REM2: variants seen among roughly 807,000 people sequenced by gnomAD.
The protein encoded by REM2 is RRAD and GEM like GTPase 2, also known as GTP-binding protein REM 2.
Under a neutral mutation model 24.4 loss-of-function variants are expected in REM2, and 24 were observed. That is an observed-to-expected ratio of 0.98 (90% CI 0.71 to 1.38). The LOEUF is 1.38. REM2 is among the 40% of genes most tolerant of loss of function. REM2 has a pLI of 0.00. For synonymous variants in REM2, 187 were observed against 198.0 expected (o/e 0.94, Z 0.47); for missense variants, 429 against 467.8 (o/e 0.92, Z 0.77).
At position 22,883,250 on chromosome 14, in the gene REM2, T is replaced by A; in HGVS notation, c.-38T>A. 2 of 1,136,704 alleles carry A rather than the reference T, an allele frequency of 1.8e-6. No homozygotes were observed. Among genetic ancestry groups the A allele is most frequent in the Non-Finnish European group, 2.6e-6 (2 of 770,310 alleles). 70.4% of individuals were successfully genotyped at this position (1,136,704 alleles called of 1,614,324 possible). ...TGAGGGAGAGGGTGCTGCGAGCTGC[T>A]GGGCTGCACACGCACACGCACACGC... On this transcript the variant is annotated 5_prime_UTR_variant, in exon 1 of 5. Transcript: ENST00000267396.
In REM2 at chr14:22,886,402, C is replaced by G. The variant is rs559530833; in HGVS notation, c.727+171C>G. On this transcript the variant is annotated intron_variant, in intron 4 of 4. Coordinates refer to ENST00000267396, the MANE Select transcript of REM2 (RefSeq NM_173527.3). This position sits in a 1 kb window ranked among gnomAD's most constrained non-coding sequence, Gnocchi z 5.9. The stretch of plus-strand genomic sequence containing the variant: ...CACTCGAGGATCCTGAGAATCCCTT[C>G]TTGTCACTTCCCCTCACCTCTCTCC... 1 of 747,330 alleles carries G rather than the reference C, an allele frequency of 1.3e-6. No individual in the cohort carries two copies. Among genetic ancestry groups the G allele is most frequent in the South Asian group, 1.7e-5 (1 of 57,670 alleles). The allele number at this position is 747,330 out of a possible 1,614,324, so 46.3% of individuals were successfully genotyped here.
At chr14:22,884,578 C>T in intron 1 of REM2, 96 bp from the exon 2 acceptor site, 1 of 1,465,280 alleles carries the variant, frequency 6.8e-7, no homozygotes, top group South Asian at 1.5e-5. Context: ...GTAGCTGGGC[C>T]TCTGATACTG....
Position 22,886,763 on chromosome 14 carries a change from C to T in REM2, c.877C>T (p.Pro293Ser). 6.5e-7 allele frequency: 1 copy of T among 1,545,682 alleles called. No homozygotes were observed. Among genetic ancestry groups the T allele is most frequent in the Non-Finnish European group, 8.7e-7 (1 of 1,145,410 alleles). ...RNHAGGQRPDPGSPEGPAPPA... is the reference protein window; with the variant it reads ...RNHAGGQRPDSGSPEGPAPPA... ...CCACGCCGGAGGCCAGAGGCCCGAT[C>T]CGGGCAGCCCCGAGGGCCCTGCGCC... The change falls in exon 5 of 5, where the codon CCG becomes TCG. Residue 293 changes from proline to serine, a missense_variant. Pro to Ser is a moderately conservative substitution (Grantham distance 74, BLOSUM62 -1). Coordinates refer to ENST00000267396, the MANE Select transcript of REM2 (RefSeq NM_173527.3). This position sits in a 1 kb window ranked among gnomAD's most constrained non-coding sequence, Gnocchi z 5.9.
At chr14:22,885,644 G>A (rs1215005453) in intron 3 of REM2, among the ~76,000 whole-genome samples, 5 of 152,160 alleles carry the variant, frequency 3.3e-5, no homozygotes, top group African/African-American at 4.8e-5. Flanking sequence ...TCAGCCTGAA[G>A]GAATCTGATG....
At position 22,886,705 on chromosome 14, in the gene REM2, G is replaced by A. The variant is rs1322308835; in HGVS notation, c.819G>A (p.Ala273=). Residue 273 remains alanine (A), a synonymous_variant, in exon 5 of 5, where the codon GCG becomes GCA. Transcript: ENST00000267396. The surrounding 1 kb of genome is among the most constrained non-coding windows in gnomAD (Gnocchi z 5.9). ...HHNTRELFEG[A]VRQIRLRRGR... Reference sequence around the variant, plus strand: ...ACACGAGGGAGCTCTTCGAGGGCGCGGTGCGCCAGATCCGGCTGCGGCGGG... The same window carrying A: ...ACACGAGGGAGCTCTTCGAGGGCGCAGTGCGCCAGATCCGGCTGCGGCGGG... 9 of 1,507,346 alleles carry A rather than the reference G, an allele frequency of 6.0e-6. No homozygotes were observed. In the Admixed American group the frequency reaches 1.4e-4, roughly 24 times the overall value. 93.4% of individuals were successfully genotyped at this position (1,507,346 alleles called of 1,614,324 possible).
rs956616645 is a variant in REM2, at chr14:22,886,329, G to A, written c.727+98G>A. On this transcript the variant is annotated intron_variant, in intron 4 of 4. Coordinates refer to ENST00000267396, the MANE Select transcript of REM2 (RefSeq NM_173527.3). The surrounding 1 kb of genome is among the most constrained non-coding windows in gnomAD (Gnocchi z 5.9). ...CTAAGGCCTTTTTACCATCGCGGACGCACTCACTTGCAATCAGACCCAGGC... is the reference window on the plus strand; with the variant it reads ...CTAAGGCCTTTTTACCATCGCGGACACACTCACTTGCAATCAGACCCAGGC... 5.0e-5 allele frequency: 55 copies of A among 1,108,402 alleles called. No individual in the cohort carries two copies. The highest frequency in any genetic ancestry group is 6.4e-5 in the Non-Finnish European group (48 of 751,144). The allele number at this position is 1,108,402 out of a possible 1,614,324, so 68.7% of individuals were successfully genotyped here. A position where few individuals can be genotyped will look rare whatever the true frequency, so the allele number is the denominator to read the frequency against.
intron 2 of REM2, 70 bp from the exon 3 acceptor site, chr14:22,885,196 G>A: frequency 6.9e-7 from 1 of 1,457,254 alleles, no homozygotes; most frequent in East Asian, 2.3e-5. Context: ...AGGTGTCCCT[G>A]GTTACCAGGT....
rs1297145124 is a variant in REM2, at chr14:22,886,542, C to G, written c.728-72C>G. ...AATCCCTTGCCACCGCACGCCCAGG[C>G]CCTCCCTAGACCCACCCTCGCCCCG... is the stretch of plus-strand genomic sequence containing the variant. On this transcript the variant is annotated intron_variant, in intron 4 of 4. Transcript: ENST00000267396. The surrounding 1 kb of genome is among the most constrained non-coding windows in gnomAD (Gnocchi z 5.9). 1 of 1,355,536 alleles carries G rather than the reference C, an allele frequency of 7.4e-7. No homozygotes were observed. Among genetic ancestry groups the G allele is most frequent in the Non-Finnish European group, 9.8e-7 (1 of 1,022,858 alleles). The allele number at this position is 1,355,536 out of a possible 1,614,324, so 84.0% of individuals were successfully genotyped here. A position where few individuals can be genotyped will look rare whatever the true frequency, so the allele number is the denominator to read the frequency against.
Position 22,886,469 on chromosome 14 carries a change from C to A in REM2, c.728-145C>A. 1.2e-6 allele frequency: 1 copy of A among 802,104 alleles called. No homozygotes were observed. Among genetic ancestry groups the A allele is most frequent in the Non-Finnish European group, 1.9e-6 (1 of 519,662 alleles). The allele number at this position is 802,104 out of a possible 1,614,324, so 49.7% of individuals were successfully genotyped here. A position where few individuals can be genotyped will look rare whatever the true frequency, so the allele number is the denominator to read the frequency against. On this transcript the variant is annotated intron_variant, in intron 4 of 4. Transcript: ENST00000267396. The surrounding 1 kb of genome is among the most constrained non-coding windows in gnomAD (Gnocchi z 5.9). ...TCTCCTTCGCACCTCCACAGACCCA[C>A]CATATGAGCTCAGCCATGTTCTCTC...
In REM2 at chr14:22,886,666, C is replaced by T. The variant is rs1405560376; in HGVS notation, c.780C>T (p.Ala260=). The change falls in exon 5 of 5, where the codon GCC becomes GCT. Residue 260 remains alanine (A), a synonymous_variant. Coordinates refer to ENST00000267396, the MANE Select transcript of REM2 (RefSeq NM_173527.3). The surrounding 1 kb of genome is among the most constrained non-coding windows in gnomAD (Gnocchi z 5.9). ...TLSCKHIETS[A]ALHHNTRELF... ...GCTGCAAGCACATCGAGACGTCGGC[C>T]GCACTGCACCACAACACGAGGGAGC... 9.5e-6 allele frequency: 14 copies of T among 1,466,016 alleles called. No individual in the cohort carries two copies. Among genetic ancestry groups the T allele is most frequent in the Non-Finnish European group, 1.2e-5 (13 of 1,108,636 alleles). 90.8% of individuals were successfully genotyped at this position (1,466,016 alleles called of 1,614,324 possible).
chr14:22,886,717 C>T lies in REM2; in HGVS notation c.831C>T (p.Ile277=), dbSNP rs1332605000. ...TCTTCGAGGGCGCGGTGCGCCAGAT[C>T]CGGCTGCGGCGGGGCCGAAACCACG... ...RELFEGAVRQ[I]RLRRGRNHAG... The change falls in exon 5 of 5, where the codon ATC becomes ATT. Residue 277 remains isoleucine (I), a synonymous_variant. Coordinates refer to ENST00000267396, the MANE Select transcript of REM2 (RefSeq NM_173527.3). The surrounding 1 kb of genome is among the most constrained non-coding windows in gnomAD (Gnocchi z 5.9). 1 of 1,514,834 alleles carries T rather than the reference C, an allele frequency of 6.6e-7. No homozygotes were observed. Among genetic ancestry groups the T allele is most frequent in the Non-Finnish European group, 8.8e-7 (1 of 1,132,574 alleles). 93.8% of individuals were successfully genotyped at this position (1,514,834 alleles called of 1,614,324 possible).
Sources: allele counts gnomAD v4.1 joint callset (sites outside exome capture counted in the v4.1 genomes callset), GRCh38; gene constraint gnomAD v4.1.1; non-coding constraint Gnocchi (gnomAD v3.1); transcripts MANE v1.5; gene names NCBI Gene and HGNC (gene_info 2026-07-23, HGNC 2026-07-21).